Variants in IFNK observed in about 807,000 individuals in gnomAD.
IFNK encodes IFN-kappa.
In IFNK, 13 loss-of-function variants were observed where a neutral mutation model predicts 12.0. The ratio of observed to expected loss-of-function variants is 1.08; its 90% CI spans 0.70 to 1.72. IFNK has a LOEUF of 1.72. IFNK is among the 40% of genes most tolerant of loss of function. IFNK has a pLI of 0.00. For missense variants in IFNK, 248 were observed against 237.0 expected (o/e 1.05, Z -0.30); for synonymous variants, 94 against 82.3 (o/e 1.14, Z -0.77).
chr9:27,525,553 CAT>C (rs1820424052), intron 1 of IFNK, among the ~76,000 whole-genome samples: 1 of 152,050 alleles, frequency 6.6e-6, no homozygotes, highest in Non-Finnish European at 1.5e-5. Flanking sequence ...AGTGAAGATC[CAT>C]AGTGAAATTG....
In IFNK at chr9:27,524,328, G is replaced by GAA. The variant is rs112562467; in HGVS notation, c.-9_-8insAA. On this transcript the variant is annotated 5_prime_UTR_variant, in exon 1 of 2. Coordinates refer to ENST00000276943, the MANE Select transcript of IFNK (RefSeq NM_020124.3). ...ACACATCTTCTGGATTTTTTAGCTT[G>GAA]CAAAAAAAATGAGCACCAAACCTGA... 4.5e-3 allele frequency: 7,223 copies of GAA among 1,602,410 alleles called. 246 individuals carry two copies. The African/African-American group carries it at 0.083, about 18-fold the overall frequency.
chr9:27,524,961 G>C lies in IFNK; in HGVS notation c.*1G>C, dbSNP rs1820409559. ...TACAGCTCTATTCAGGAGGAAATAA[G>C]GTATATTTTTGGAATTAAAATTCCT... On this transcript the variant is annotated splice_region_variant and 3_prime_UTR_variant, in exon 1 of 2. Coordinates refer to ENST00000276943, the MANE Select transcript of IFNK (RefSeq NM_020124.3). 6.4e-7 allele frequency: 1 copy of C among 1,563,180 alleles called. No homozygotes were observed. The highest frequency in any genetic ancestry group is 8.6e-7 in the Non-Finnish European group (1 of 1,161,006).
intron 1 of IFNK, 67 bp downstream of exon 1, chr9:27,525,028 C>G: frequency 7.7e-7 from 1 of 1,295,148 alleles, no homozygotes. Flanking sequence ...CCTCCAACTT[C>G]TTTTTAAGGA....
At chr9:27,525,453 G>C (rs1004384241) in intron 1 of IFNK, among the ~76,000 whole-genome samples, 1 of 152,142 alleles carries the variant, frequency 6.6e-6, no homozygotes, top group African/African-American at 2.4e-5. Context: ...TCCTGCTCGG[G>C]GGGAAAAAGG....
chr9:27,524,884 G>A lies in IFNK; in HGVS notation c.548G>A (p.Trp183Ter), dbSNP rs1254773347. Residue 183 changes from tryptophan to a stop codon, truncating the protein, a stop_gained, in exon 1 of 2, where the codon TGG becomes TAG. Coordinates refer to ENST00000276943, the MANE Select transcript of IFNK (RefSeq NM_020124.3). LOFTEE classifies it low-confidence loss of function (END_TRUNC). ...GAAAAGAAATACAGTGACTGTGCCT[G>A]GGAGATTGTCCGAGTGGAAATCAGA... The part of the protein sequence containing the change: ...LKEKKYSDCA[W>*]EIVRVEIRRC... The A allele has an allele frequency of 1.2e-6, 2 of 1,613,218 alleles. No individual in the cohort carries two copies. The highest frequency in any genetic ancestry group is 1.7e-6 in the Non-Finnish European group (2 of 1,179,798).
In IFNK at chr9:27,524,911, G is replaced by A. The variant is rs574777675; in HGVS notation, c.575G>A (p.Arg192Lys). 1.9e-6 allele frequency: 3 copies of A among 1,610,302 alleles called. No individual in the cohort carries two copies. In the South Asian group the frequency reaches 3.3e-5, roughly 18 times the overall value. Residue 192 changes from arginine to lysine, a missense_variant, in exon 1 of 2, where the codon AGA (arginine) becomes AAA (lysine). Arg to Lys is a conservative substitution (Grantham distance 26). Transcript: ENST00000276943. ...AWEIVRVEIR[R>K]CLYYFYKFTA... is the part of the protein sequence containing the mutation. ...GAGATTGTCCGAGTGGAAATCAGAAGATGTTTGTATTACTTTTACAAATTT... is the reference window on the plus strand; with the variant it reads ...GAGATTGTCCGAGTGGAAATCAGAAAATGTTTGTATTACTTTTACAAATTT...
At position 27,524,559 on chromosome 9, in the gene IFNK, T is replaced by G; in HGVS notation, c.223T>G (p.Tyr75Asp). ...TGAGTTGCCCCAAGAGTTTCTGCAATACACCCAACCTATGAAGAGGGACAT... is the reference window on the plus strand; with the variant it reads ...TGAGTTGCCCCAAGAGTTTCTGCAAGACACCCAACCTATGAAGAGGGACAT... The part of the protein sequence containing the change: ...AFELPQEFLQ[Y>D]TQPMKRDIKK... The change falls in exon 1 of 2, where the codon TAC (tyrosine) becomes GAC (aspartate). Residue 75 changes from tyrosine to aspartate, a missense_variant. Physicochemically the swap from Tyr to Asp is radical, Grantham distance 160. Coordinates refer to ENST00000276943, the MANE Select transcript of IFNK (RefSeq NM_020124.3). 1 of 1,614,094 alleles carries G rather than the reference T, an allele frequency of 6.2e-7. No homozygotes were observed. Among genetic ancestry groups the G allele is most frequent in the Non-Finnish European group, 8.5e-7 (1 of 1,179,994 alleles).
rs201598978 is a variant in IFNK, at chr9:27,524,356, T to C, written c.20T>C (p.Met7Thr). MSTKPD[M>T]IQKCLWLEIL... ...AAAAAAATGAGCACCAAACCTGATA[T>C]GATTCAAAAGTGTTTGTGGCTTGAG... is the stretch of plus-strand genomic sequence containing the variant. Residue 7 changes from methionine to threonine, a missense_variant, in exon 1 of 2, where the codon ATG becomes ACG. Coordinates refer to ENST00000276943, the MANE Select transcript of IFNK (RefSeq NM_020124.3). 67 of 1,612,386 alleles carry C rather than the reference T, an allele frequency of 4.2e-5. No individual in the cohort carries two copies. The Middle Eastern group carries it at 8.2e-4, about 20-fold the overall frequency.
chr9:27,525,886 C>T (rs1420770099), intron 1 of IFNK, 121 bp from the exon 2 acceptor site: 1 of 152,152 alleles, frequency 6.6e-6, no homozygotes, highest in Admixed American at 6.5e-5. Context: ...TTAAAAGTTA[C>T]TTTGCAGCCA....
rs771978968 is a variant in IFNK at position 27,524,579 on chromosome 9, GGA to G, written c.244_245del (p.Asp82HisfsTer7). On this transcript the variant is annotated frameshift_variant, in exon 1 of 2. Coordinates refer to ENST00000276943, the MANE Select transcript of IFNK (RefSeq NM_020124.3). LOFTEE classifies it high-confidence loss of function. ...FLQYTQPMKR[D>X]IKKAFYEMSL... Reference sequence around the variant, plus strand: ...TGCAATACACCCAACCTATGAAGAGGGACATCAAGAAGGCCTTCTATGAAATG... The same window carrying G: ...TGCAATACACCCAACCTATGAAGAGGCATCAAGAAGGCCTTCTATGAAATG... 1.4e-5 allele frequency: 22 copies of G among 1,613,906 alleles called. No homozygotes were observed. In the African/African-American group the frequency reaches 2.5e-4, roughly 19 times the overall value.
chr9:27,526,403 A>C lies in IFNK; in HGVS notation c.*398A>C, dbSNP rs1160971848. 6.6e-6 allele frequency: 1 copy of C among 152,244 alleles called. No individual in the cohort carries two copies. The highest frequency in any genetic ancestry group is 1.5e-5 in the Non-Finnish European group (1 of 68,042). 9.4% of individuals were successfully genotyped at this position (152,244 alleles called of 1,614,324 possible). On this transcript the variant is annotated 3_prime_UTR_variant, in exon 2 of 2. Transcript: ENST00000276943. ...TTAAAAATAGTACTACAAGCTTGTA[A>C]AGGAGTTAGGACATGCAAGCTACTG...
rs757942265 is a variant in IFNK, at chr9:27,524,316, A to AT, written c.-15dup. 3.1e-6 allele frequency: 5 copies of AT among 1,601,062 alleles called. No homozygotes were observed. Among genetic ancestry groups the AT allele is most frequent in the African/African-American group, 2.7e-5 (2 of 73,588 alleles). On this transcript the variant is annotated 5_prime_UTR_variant, in exon 1 of 2. Transcript: ENST00000276943. ...TCATTGTCATATACACATCTTCTGG[A>AT]TTTTTTAGCTTGCAAAAAAAATGAG...
Position 27,524,361 on chromosome 9 carries a change from C to A in IFNK, c.25C>A (p.Gln9Lys). 6.2e-7 allele frequency: 1 copy of A among 1,612,430 alleles called. No homozygotes were observed. Among genetic ancestry groups the A allele is most frequent in the South Asian group, 1.1e-5 (1 of 90,920 alleles). Residue 9 changes from glutamine (Q) to lysine (K), a missense_variant, in exon 1 of 2, where the codon CAA (glutamine) becomes AAA (lysine). Coordinates refer to ENST00000276943, the MANE Select transcript of IFNK (RefSeq NM_020124.3). Reference sequence around the variant, plus strand: ...AATGAGCACCAAACCTGATATGATTCAAAAGTGTTTGTGGCTTGAGATCCT... The same window carrying A: ...AATGAGCACCAAACCTGATATGATTAAAAAGTGTTTGTGGCTTGAGATCCT... MSTKPDMIQKCLWLEILMG... is the reference protein window; with the variant it reads MSTKPDMIKKCLWLEILMG...
chr9:27,524,631 A>G lies in IFNK; in HGVS notation c.295A>G (p.Ser99Gly). ...GTCCCTACAGGCCTTCAACATCTTC[A>G]GCCAACACACCTTCAAATATTGGAA... ...EMSLQAFNIF[S>G]QHTFKYWKER... Residue 99 changes from serine (S) to glycine (G), a missense_variant, in exon 1 of 2, where the codon AGC (serine) becomes GGC (glycine). Physicochemically the swap from Ser to Gly is moderately conservative, Grantham distance 56. Coordinates refer to ENST00000276943, the MANE Select transcript of IFNK (RefSeq NM_020124.3). 6.2e-7 allele frequency: 1 copy of G among 1,614,152 alleles called. No individual in the cohort carries two copies. Among genetic ancestry groups the G allele is most frequent in the Non-Finnish European group, 8.5e-7 (1 of 1,179,994 alleles).
rs1470771350 is a variant in IFNK at position 27,524,930 on chromosome 9, C to T, written c.594C>T (p.Tyr198=). Residue 198 remains tyrosine, a synonymous_variant, in exon 1 of 2, where the codon TAC becomes TAT. Coordinates refer to ENST00000276943, the MANE Select transcript of IFNK (RefSeq NM_020124.3). ...TCAGAAGATGTTTGTATTACTTTTA[C>T]AAATTTACAGCTCTATTCAGGAGGA... The part of the protein sequence containing the change: ...VEIRRCLYYF[Y]KFTALFRRK 15 of 1,605,762 alleles carry T rather than the reference C, an allele frequency of 9.3e-6. No homozygotes were observed. The highest frequency in any genetic ancestry group is 6.7e-5 in the East Asian group (3 of 44,852).
intron 1 of IFNK, among the ~76,000 whole-genome samples, chr9:27,525,405 A>G (rs934556814): frequency 2.0e-5 from 3 of 152,180 alleles, no homozygotes; most frequent in Non-Finnish European, 4.4e-5. Flanking sequence ...AAGAGCTTAT[A>G]CATGCTCCCT....
At position 27,524,944 on chromosome 9, in the gene IFNK, T is replaced by TTACAAA. The variant is rs1240297187; in HGVS notation, c.608_609insTACAAA (p.Leu203_Phe204insThrLys). ...TATTACTTTTACAAATTTACAGCTCTATTCAGGAGGAAATAAGGTATATTT... is the reference window on the plus strand; with the variant it reads ...TATTACTTTTACAAATTTACAGCTCTTACAAAATTCAGGAGGAAATAAGGTATATTT... On this transcript the variant is annotated inframe_insertion, in exon 1 of 2. Transcript: ENST00000276943. 3 of 1,588,626 alleles carry TTACAAA rather than the reference T, an allele frequency of 1.9e-6. No homozygotes were observed. The highest frequency in any genetic ancestry group is 2.7e-5 in the African/African-American group (2 of 73,296).
At chr9:27,525,304 G>A (rs1357787563) in intron 1 of IFNK, among the ~76,000 whole-genome samples, 1 of 152,090 alleles carries the variant, frequency 6.6e-6, no homozygotes, top group African/African-American at 2.4e-5. Flanking sequence ...TAGAGGATAG[G>A]GAGCAGAGAA....
rs781365075 is a variant in IFNK, at chr9:27,524,604, A to G, written c.268A>G (p.Met90Val). 1.9e-6 allele frequency: 3 copies of G among 1,614,168 alleles called. No individual in the cohort carries two copies. In the South Asian group the frequency reaches 3.3e-5, roughly 18 times the overall value. The change falls in exon 1 of 2, where the codon ATG becomes GTG. Residue 90 changes from methionine (M) to valine (V), a missense_variant. Met to Val is a conservative substitution (Grantham distance 21, BLOSUM62 1). Coordinates refer to ENST00000276943, the MANE Select transcript of IFNK (RefSeq NM_020124.3). The stretch of plus-strand genomic sequence containing the variant: ...GGACATCAAGAAGGCCTTCTATGAA[A>G]TGTCCCTACAGGCCTTCAACATCTT... ...KRDIKKAFYEMSLQAFNIFSQ... is the reference protein window; with the variant it reads ...KRDIKKAFYEVSLQAFNIFSQ...
Sources: allele counts gnomAD v4.1 joint callset (sites outside exome capture counted in the v4.1 genomes callset), GRCh38; gene constraint gnomAD v4.1.1; transcripts MANE v1.5; gene names NCBI Gene and HGNC (gene_info 2026-07-23, HGNC 2026-07-21).